Variants in PLD4 observed in about 807,000 individuals in gnomAD.
PLD4 encodes the protein 5'-3' exonuclease PLD4.
PLD4 carries 54 observed loss-of-function variants against 52.3 expected under a neutral mutation model. The observed-to-expected ratio is 1.03, with a 90% CI of 0.83 to 1.30. The LOEUF (loss-of-function observed/expected upper bound fraction) is 1.30. Ranked by LOEUF, PLD4 falls within the 50% of genes most tolerant of loss-of-function variation. The pLI is 0.00. For synonymous variants in PLD4, 264 were observed against 286.5 expected (o/e 0.92, Z 0.79); for missense variants, 731 against 671.1 (o/e 1.09, Z -0.99).
In PLD4 at chr14:104,928,914, C is replaced by A; in HGVS notation, c.450C>A (p.Asn150Lys). ...WSLTGPDIGVNDSSSQLGEAL... is the reference protein window; with the variant it reads ...WSLTGPDIGVKDSSSQLGEAL... The stretch of plus-strand genomic sequence containing the variant: ...TCACAGGGCCTGACATCGGGGTCAA[C>A]GACTCGTCTTCCCAGCTGGTGCGCC... The change falls in exon 4 of 11, where the codon AAC becomes AAA. Residue 150 changes from asparagine (N) to lysine (K), a missense_variant. Physicochemically the swap from Asn to Lys is moderately conservative, Grantham distance 94. Coordinates refer to ENST00000392593, the MANE Select transcript of PLD4 (RefSeq NM_138790.5). 1.9e-6 allele frequency: 3 copies of A among 1,602,444 alleles called. No individual in the cohort carries two copies. Among genetic ancestry groups the A allele is most frequent in the Non-Finnish European group, 1.7e-6 (2 of 1,171,630 alleles).
rs757631521 is a variant in PLD4 at position 104,930,027 on chromosome 14, G to T, written c.639G>T (p.Leu213Phe). The change falls in exon 6 of 11, where the codon TTG (leucine) becomes TTT (phenylalanine). Residue 213 changes from leucine to phenylalanine, a missense_variant. Coordinates refer to ENST00000392593, the MANE Select transcript of PLD4 (RefSeq NM_138790.5). ...TGGGGCGGCTCACCAGGGGTGTTTT[G>T]CACTCCAAATTCTGGGTTGTGGATG... ...VPMGRLTRGV[L>F]HSKFWVVDGR... 1 of 1,613,670 alleles carries T rather than the reference G, an allele frequency of 6.2e-7. No homozygotes were observed. The highest frequency in any genetic ancestry group is 8.5e-7 in the Non-Finnish European group (1 of 1,179,972).
rs374691708 is a variant in PLD4 at position 104,927,801 on chromosome 14, G to T, written c.219G>T (p.Glu73Asp). ...VQPKDVPRSW[E>D]HGSSPAWEPL... ...CCAAGGACGTGCCCAGGTCCTGGGAGCATGGCTCCAGCCCAGCTTGGGAGC... is the reference window on the plus strand; with the variant it reads ...CCAAGGACGTGCCCAGGTCCTGGGATCATGGCTCCAGCCCAGCTTGGGAGC... Residue 73 changes from glutamate (E) to aspartate (D), a missense_variant, in exon 3 of 11, where the codon GAG becomes GAT. Physicochemically the swap from Glu to Asp is conservative, Grantham distance 45 (BLOSUM62 2). Coordinates refer to ENST00000392593, the MANE Select transcript of PLD4 (RefSeq NM_138790.5). 1.3e-6 allele frequency: 2 copies of T among 1,596,922 alleles called. No individual in the cohort carries two copies. Among genetic ancestry groups the T allele is most frequent in the African/African-American group, 1.3e-5 (1 of 74,944 alleles).
Position 104,928,911 on chromosome 14 carries a change from C to T in PLD4, c.447C>T (p.Val149=). 2 of 1,603,318 alleles carry T rather than the reference C, an allele frequency of 1.2e-6. No homozygotes were observed. Among genetic ancestry groups the T allele is most frequent in the Non-Finnish European group, 1.7e-6 (2 of 1,172,258 alleles). The change falls in exon 4 of 11, where the codon GTC becomes GTT. Residue 149 remains valine (V), a synonymous_variant. Transcript: ENST00000392593. ...YWSLTGPDIG[V]NDSSSQLGEA... is the part of the protein sequence containing the mutation. ...CCCTCACAGGGCCTGACATCGGGGT[C>T]AACGACTCGTCTTCCCAGCTGGTGC...
At position 104,933,168 on chromosome 14, in the gene PLD4, G is replaced by GAGCCCTCCAGGA; in HGVS notation, c.*210_*221dup. Reference sequence around the variant, plus strand: ...CCCCCTGAGCCCCACCTCCTCCAGGGAGCCCTCCAGGAAGCCCCTTCCCTG... The same window carrying GAGCCCTCCAGGA: ...CCCCCTGAGCCCCACCTCCTCCAGGGAGCCCTCCAGGAAGCCCTCCAGGAAGCCCCTTCCCTG... On this transcript the variant is annotated 3_prime_UTR_variant, in exon 11 of 11. Coordinates refer to ENST00000392593, the MANE Select transcript of PLD4 (RefSeq NM_138790.5). The GAGCCCTCCAGGA allele has an allele frequency of 1.7e-6, 1 of 575,436 alleles. No homozygotes were observed. The highest frequency in any genetic ancestry group is 3.3e-5 in the East Asian group (1 of 30,342). 35.6% of individuals were successfully genotyped at this position (575,436 alleles called of 1,614,324 possible).
In PLD4 at chr14:104,932,689, C is replaced by G. The variant is rs970115730; in HGVS notation, c.1322-76C>G. 73 of 1,388,620 alleles carry G rather than the reference C, an allele frequency of 5.3e-5. No homozygotes were observed. Among genetic ancestry groups the G allele is most frequent in the African/African-American group, 1.0e-4 (7 of 68,412 alleles). 86.0% of individuals were successfully genotyped at this position (1,388,620 alleles called of 1,614,324 possible). ...TGCCAACCGTCCCCAAACCCGTAGC[C>G]GGGCCTGGCGCTGAGCGGGCTGCAG... On this transcript the variant is annotated intron_variant, in intron 10 of 10. Coordinates refer to ENST00000392593, the MANE Select transcript of PLD4 (RefSeq NM_138790.5). This position sits in a 1 kb window ranked among gnomAD's most constrained non-coding sequence, Gnocchi z 6.5.
intron 2 of PLD4, 55 bp downstream of exon 2, chr14:104,927,285 G>C (rs377730217): frequency 1.4e-6 from 2 of 1,408,038 alleles, no homozygotes; most frequent in African/African-American, 2.9e-5. Flanking sequence ...CCTTTCAAGA[G>C]CTCCGAGCCA....
At position 104,932,085 on chromosome 14, in the gene PLD4, G is replaced by A. The variant is rs1897669201; in HGVS notation, c.1132G>A (p.Gly378Ser). The change falls in exon 9 of 11, where the codon GGC becomes AGC. Residue 378 changes from glycine to serine, a missense_variant. By Grantham distance (56) the Gly-to-Ser change is moderately conservative. Transcript: ENST00000392593. This position sits in a 1 kb window ranked among gnomAD's most constrained non-coding sequence, Gnocchi z 6.5. ...GKGVRVRLLVGCGLNTDPTMF... is the reference protein window; with the variant it reads ...GKGVRVRLLVSCGLNTDPTMF... ...GGGCGTGCGCGTGCGCCTGCTGGTC[G>A]GCTGCGGACTCAACACGGACCCCAC... is the stretch of plus-strand genomic sequence containing the variant. 2 of 1,609,910 alleles carry A rather than the reference G, an allele frequency of 1.2e-6. No individual in the cohort carries two copies. Among genetic ancestry groups the A allele is most frequent in the South Asian group, 1.1e-5 (1 of 90,780 alleles).
rs1475635606 is a variant in PLD4 at position 104,928,875 on chromosome 14, A to ATAC, written c.416_418dup (p.Tyr139dup). ...CCCAGGAGAGCGTCCACGTGGCTTC[A>ATAC]TACTACTGGTCCCTCACAGGGCCTG... On this transcript the variant is annotated inframe_insertion, in exon 4 of 11. Coordinates refer to ENST00000392593, the MANE Select transcript of PLD4 (RefSeq NM_138790.5). 6.2e-7 allele frequency: 1 copy of ATAC among 1,612,052 alleles called. No individual in the cohort carries two copies. Among genetic ancestry groups the ATAC allele is most frequent in the African/African-American group, 1.3e-5 (1 of 75,056 alleles).
chr14:104,931,741 G>GTCACAGGC lies in PLD4; in HGVS notation c.919-6_920dup, dbSNP rs775518345. On this transcript the variant is annotated splice_polypyrimidine_tract_variant and splice_region_variant and intron_variant, in intron 7 of 10. Coordinates refer to ENST00000392593, the MANE Select transcript of PLD4 (RefSeq NM_138790.5). ...CAGAGCCTTCAGGGATTTCTCTCCC[G>GTCACAGGC]TCACAGGCGTCGCCACCAGCACTCT... 2.3e-5 allele frequency: 36 copies of GTCACAGGC among 1,581,772 alleles called. No individual in the cohort carries two copies. The highest frequency in any genetic ancestry group is 2.9e-5 in the Non-Finnish European group (34 of 1,165,436).
At chr14:104,929,108 A>G in intron 4 of PLD4, 176 bp downstream of exon 4, 1 of 1,184,056 alleles carries the variant, frequency 8.4e-7, no homozygotes, top group Non-Finnish European at 1.2e-6. Context: ...GGTGTCAAGG[A>G]GCTGGGCCTC....
At chr14:104,926,038 G>T (rs369516707) in intron 1 of PLD4, among the ~76,000 whole-genome samples, 1 of 152,268 alleles carries the variant, frequency 6.6e-6, no homozygotes, top group East Asian at 1.9e-4. Flanking sequence ...GCCCTGACCC[G>T]TGGGAGGACA....
chr14:104,931,978 T>G (rs1353241344), intron 8 of PLD4, 34 bp from the exon 9 acceptor site: 2 of 1,544,380 alleles, frequency 1.3e-6, no homozygotes, highest in African/African-American at 2.7e-5. Flanking sequence ...CGGGCCCGGC[T>G]TGTAAGCAGA....
At chr14:104,931,937 T>C (rs1305716006) in intron 8 of PLD4, 50 bp downstream of exon 8, 38 of 1,522,650 alleles carry the variant, frequency 2.5e-5, no homozygotes, top group Non-Finnish European at 3.4e-5. Flanking sequence ...GGGCAGCTCC[T>C]GGGCACGTCC....
At chr14:104,928,422 C>G (rs1897528266) in intron 3 of PLD4, among the ~76,000 whole-genome samples, 1 of 152,218 alleles carries the variant, frequency 6.6e-6, no homozygotes, top group Non-Finnish European at 1.5e-5. Context: ...TCAGGAGCAG[C>G]TGCTCCCTGT....
rs752423882 is a variant in PLD4 at position 104,929,344 on chromosome 14, G to A, written c.506G>A (p.Gly169Asp). 7.0e-6 allele frequency: 11 copies of A among 1,575,168 alleles called. No homozygotes were observed. The African/African-American group carries it at 1.1e-4, about 15-fold the overall frequency. Residue 169 changes from glycine (G) to aspartate (D), a missense_variant, in exon 5 of 11, where the codon GGC becomes GAC. Physicochemically the swap from Gly to Asp is moderately conservative, Grantham distance 94 (BLOSUM62 -1). Coordinates refer to ENST00000392593, the MANE Select transcript of PLD4 (RefSeq NM_138790.5). ...CTGCAGAAGCTGCAGCAGCTGCTGGGCAGGAACATTTCCCTGGCTGTGGCC... is the reference window on the plus strand; with the variant it reads ...CTGCAGAAGCTGCAGCAGCTGCTGGACAGGAACATTTCCCTGGCTGTGGCC... Reference protein sequence around the residue: ...ALLQKLQQLLGRNISLAVATS... With the variant: ...ALLQKLQQLLDRNISLAVATS...
At chr14:104,934,838 C>G (rs998120171), downstream of PLD4, 1 of 152,218 alleles carries the variant, frequency 6.6e-6, no homozygotes, top group Non-Finnish European at 1.5e-5. Flanking sequence ...TCATACTTCC[C>G]CCATCTAAAG....
At chr14:104,926,157 C>G (rs982416454) in intron 1 of PLD4, among the ~76,000 whole-genome samples, 2 of 152,142 alleles carry the variant, frequency 1.3e-5, no homozygotes, top group African/African-American at 4.8e-5. Flanking sequence ...GACACTGGCA[C>G]TCAGCACTGC....
chr14:104,926,066 A>G (rs1400485760), intron 1 of PLD4, among the ~76,000 whole-genome samples: 9 of 152,122 alleles, frequency 5.9e-5, no homozygotes, highest in Non-Finnish European at 1.3e-4. Flanking sequence ...CGAACCCCAG[A>G]GGCCTGGAGG....
Position 104,930,051 on chromosome 14 carries a change from T to C in PLD4, c.663T>C (p.Asp221=). 5 of 1,613,640 alleles carry C rather than the reference T, an allele frequency of 3.1e-6. No homozygotes were observed. The highest frequency in any genetic ancestry group is 4.2e-6 in the Non-Finnish European group (5 of 1,179,954). The change falls in exon 6 of 11, where the codon GAT becomes GAC. Residue 221 remains aspartate (D), a synonymous_variant. Coordinates refer to ENST00000392593, the MANE Select transcript of PLD4 (RefSeq NM_138790.5). ...TGCACTCCAAATTCTGGGTTGTGGA[T>C]GGACGGCACATATACATGGGCAGTG... ...GVLHSKFWVV[D]GRHIYMGSAN... is the part of the protein sequence containing the mutation.
Sources: allele counts gnomAD v4.1 joint callset (sites outside exome capture counted in the v4.1 genomes callset), GRCh38; gene constraint gnomAD v4.1.1; non-coding constraint Gnocchi (gnomAD v3.1); transcripts MANE v1.5; gene names NCBI Gene and HGNC (gene_info 2026-07-23, HGNC 2026-07-21).